The following PTCHD4 variants were observed in gnomAD, a reference collection of about 807,000 sequenced individuals.
The protein encoded by PTCHD4 is patched domain containing 4, also known as patched domain-containing protein 4.
A neutral mutation model predicts 58.1 loss-of-function variants in PTCHD4; 33 were observed. The observed-to-expected ratio is 0.57, with a 90% CI of 0.43 to 0.76. The LOEUF (loss-of-function observed/expected upper bound fraction) is 0.76, where lower values mean the gene tolerates loss of function less well. PTCHD4 is among the 30% of genes least tolerant of loss of function. PTCHD4 has a pLI of 0.00. For synonymous variants in PTCHD4, 478 were observed against 409.6 expected (o/e 1.17, Z -2.02); for missense variants, 1,058 against 1,027.1 (o/e 1.03, Z -0.41).
chr6:48,092,789 A>T (rs1765393096), intron 1 of PTCHD4, among the ~76,000 whole-genome samples: 1 of 152,188 alleles, frequency 6.6e-6, no homozygotes, highest in Non-Finnish European at 1.5e-5. Flanking sequence ...CTTCCCTAGC[A>T]TGGGAATGGG....
chr6:47,929,197 G>A (rs1653555366), intron 4 of PTCHD4, among the ~76,000 whole-genome samples: 1 of 152,058 alleles, frequency 6.6e-6, no homozygotes, highest in Non-Finnish European at 1.5e-5. Context: ...GGCTAAGCAA[G>A]TAAAATAATC....
chr6:47,914,741 C>T (rs993455561), intron 4 of PTCHD4, among the ~76,000 whole-genome samples: 24 of 90,230 alleles, frequency 2.7e-4, no homozygotes, highest in African/African-American at 8.6e-4. Context: ...TATTATCTAT[C>T]TATTATCTAT....
At chr6:47,981,489 G>A (rs763158236) in intron 4 of PTCHD4, among the ~76,000 whole-genome samples, 1 of 151,864 alleles carries the variant, frequency 6.6e-6, no homozygotes, top group Non-Finnish European at 1.5e-5. Context: ...AGGCGTCATG[G>A]TGTTTGTATT....
intron 4 of PTCHD4, among the ~76,000 whole-genome samples, chr6:48,004,711 G>A (rs1762361951): frequency 6.6e-6 from 1 of 152,158 alleles, no homozygotes; most frequent in African/African-American, 2.4e-5. Flanking sequence ...GAGGTCAGGA[G>A]TTTGAGACCA....
intron 4 of PTCHD4, among the ~76,000 whole-genome samples, chr6:47,882,073 A>G (rs1315655176): frequency 6.6e-6 from 1 of 152,190 alleles, no homozygotes; most frequent in African/African-American, 2.4e-5. Context: ...TTGAAGAGAC[A>G]GAATACAGTA....
chr6:48,018,713 T>G, intron 3 of PTCHD4, among the ~76,000 whole-genome samples: 1 of 152,330 alleles, frequency 6.6e-6, no homozygotes, highest in South Asian at 2.1e-4. Context: ...AGTATTTCCA[T>G]AAAAAGCAAT....
chr6:47,998,017 C>A (rs1581993698), intron 4 of PTCHD4, among the ~76,000 whole-genome samples: 1 of 152,066 alleles, frequency 6.6e-6, no homozygotes, highest in Non-Finnish European at 1.5e-5. Context: ...GCATTTTCAC[C>A]CTACAAGTTT....
At chr6:47,953,121 C>T (rs1022379844) in intron 4 of PTCHD4, among the ~76,000 whole-genome samples, 2 of 151,922 alleles carry the variant, frequency 1.3e-5, no homozygotes, top group Non-Finnish European at 2.9e-5. Context: ...AGAATGTACC[C>T]TCTAGAACAA....
At chr6:48,026,565 A>G (rs1763252964) in intron 3 of PTCHD4, among the ~76,000 whole-genome samples, 2 of 151,824 alleles carry the variant, frequency 1.3e-5, no homozygotes, top group Admixed American at 6.6e-5. Context: ...TCCTTTGCCA[A>G]TTCCTGCCAG....
chr6:47,970,445 A>G (rs923897079), intron 4 of PTCHD4, among the ~76,000 whole-genome samples: 22 of 152,132 alleles, frequency 1.4e-4, no homozygotes, highest in Non-Finnish European at 2.9e-5. Flanking sequence ...AGAAAAATGC[A>G]AGAATTTGCG....
chr6:48,026,348 G>A (rs1385555806), intron 3 of PTCHD4, among the ~76,000 whole-genome samples: 3 of 152,116 alleles, frequency 2.0e-5, no homozygotes, highest in Admixed American at 6.6e-5. Context: ...CCTTACTAAC[G>A]ATATGTTTTG....
chr6:47,987,785 T>A (rs1333611090), intron 4 of PTCHD4, among the ~76,000 whole-genome samples: 1 of 152,086 alleles, frequency 6.6e-6, no homozygotes, highest in Non-Finnish European at 1.5e-5. Flanking sequence ...TAACATTTTT[T>A]TTTTTTTTTG....
chr6:47,938,988 A>G (rs546097049), intron 4 of PTCHD4, among the ~76,000 whole-genome samples: 1 of 152,264 alleles, frequency 6.6e-6, no homozygotes, highest in East Asian at 1.9e-4. Flanking sequence ...GTGAGTTGGA[A>G]AGATGCAGGT....
chr6:47,925,322 G>T (rs1302088201), intron 4 of PTCHD4, among the ~76,000 whole-genome samples: 1 of 151,872 alleles, frequency 6.6e-6, no homozygotes, highest in Non-Finnish European at 1.5e-5. Context: ...AAAAATGTCT[G>T]GGACAAAGAA....
intron 4 of PTCHD4, among the ~76,000 whole-genome samples, chr6:47,956,834 T>C (rs570757810): frequency 6.6e-6 from 1 of 152,228 alleles, no homozygotes; most frequent in East Asian, 1.9e-4. Flanking sequence ...AAGATAATTG[T>C]CTTAGAGCAG....
chr6:48,107,419 C>T lies in PTCHD4; in HGVS notation c.-970+3630G>A, dbSNP rs1386942483. 5.9e-5 allele frequency among the ~76,000 whole-genome samples: 9 copies of T among 152,182 alleles called. No individual in the cohort carries two copies. In the East Asian group the frequency reaches 1.7e-3, roughly 29 times the overall value. ...CCATATGTAGAAAGCTGAAATGGAT[C>T]CCTTCCTTACACCTTATACAAAAAT... On this transcript the variant is annotated intron_variant, in intron 1 of 4. Coordinates refer to ENST00000339488, the MANE Select transcript of PTCHD4 (RefSeq NM_001384253.1).
chr6:48,019,219 A>G (rs957537259), intron 3 of PTCHD4, among the ~76,000 whole-genome samples: 1 of 152,212 alleles, frequency 6.6e-6, no homozygotes, highest in African/African-American at 2.4e-5. Flanking sequence ...GGAAAGAGGC[A>G]AGGAAAGAGG....
In PTCHD4 at chr6:47,872,486, G is replaced by T. The variant is rs930820775; in HGVS notation, c.*5817C>A. On this transcript the variant is annotated 3_prime_UTR_variant, in exon 5 of 5. Transcript: ENST00000339488. ...CTACAAATGGCTTCTAAAAACCTCAGCTCAGATAAGTGCAATGAAATCATA... is the reference window on the plus strand; with the variant it reads ...CTACAAATGGCTTCTAAAAACCTCATCTCAGATAAGTGCAATGAAATCATA... Among the ~76,000 whole-genome samples the T allele has an allele frequency of 6.6e-6, 1 of 151,578 alleles. No individual in the cohort carries two copies. Among genetic ancestry groups the T allele is most frequent in the Non-Finnish European group, 1.5e-5 (1 of 67,730 alleles).
chr6:48,013,615 C>T (rs1304166960), intron 3 of PTCHD4, among the ~76,000 whole-genome samples: 1 of 152,006 alleles, frequency 6.6e-6, no homozygotes, highest in South Asian at 2.1e-4. Context: ...TTTAAGTTGA[C>T]ACTAATTGAT....
Sources: allele counts gnomAD v4.1 joint callset (sites outside exome capture counted in the v4.1 genomes callset), GRCh38; gene constraint gnomAD v4.1.1; transcripts MANE v1.5; gene names NCBI Gene and HGNC (gene_info 2026-07-23, HGNC 2026-07-21).